Variants in GTF2F2 observed in about 807,000 individuals in gnomAD.
GTF2F2 encodes the protein general transcription factor IIF subunit 2.
GTF2F2 carries 23 observed loss-of-function variants against 42.2 expected under a neutral mutation model. The observed-to-expected ratio is 0.55, with a 90% CI of 0.39 to 0.77. GTF2F2 has a LOEUF of 0.77. GTF2F2 is among the 30% of genes least tolerant of loss of function. The pLI is 0.00. For synonymous variants in GTF2F2, 105 were observed against 100.8 expected (o/e 1.04, Z -0.25); for missense variants, 261 against 287.2 (o/e 0.91, Z 0.66).
At chr13:45,165,474 G>A (rs901275814) in intron 4 of GTF2F2, among the ~76,000 whole-genome samples, 3 of 151,532 alleles carry the variant, frequency 2.0e-5, no homozygotes, top group Non-Finnish European at 4.4e-5. Flanking sequence ...AAATTGAAGT[G>A]TGACCGATTT....
At chr13:45,256,267 C>A (rs1566153018) in intron 6 of GTF2F2, among the ~76,000 whole-genome samples, 1 of 152,020 alleles carries the variant, frequency 6.6e-6, no homozygotes, top group Non-Finnish European at 1.5e-5. Context: ...GGGAAGAAAG[C>A]CATAATAGTA....
At chr13:45,243,861 A>C (rs1184450881) in intron 5 of GTF2F2, among the ~76,000 whole-genome samples, 2 of 152,140 alleles carry the variant, frequency 1.3e-5, no homozygotes, top group African/African-American at 4.8e-5. Context: ...CAGTTTCACC[A>C]TGTTGGCCAG....
At chr13:45,241,679 A>T (rs555447516) in intron 5 of GTF2F2, among the ~76,000 whole-genome samples, 3 of 152,216 alleles carry the variant, frequency 2.0e-5, no homozygotes, top group Non-Finnish European at 4.4e-5. Flanking sequence ...AATGCATTTT[A>T]TATCTATTCT....
chr13:45,280,201 GGGAGTGTT>G (rs1464177712), intron 7 of GTF2F2, among the ~76,000 whole-genome samples: 1 of 152,226 alleles, frequency 6.6e-6, no homozygotes, highest in Non-Finnish European at 1.5e-5. Context: ...ATGCGTGAGG[GGGAGTGTT>G]GGAAGATGAG....
At position 45,157,983 on chromosome 13, in the gene GTF2F2, A is replaced by G. The variant is rs9590875; in HGVS notation, c.304+6152A>G. Reference sequence around the variant, plus strand: ...ATATCCATGTTTCTGCCAGTGATACATTATTCTTCTATTGTCTTGGCCATA... The same window carrying G: ...ATATCCATGTTTCTGCCAGTGATACGTTATTCTTCTATTGTCTTGGCCATA... On this transcript the variant is annotated intron_variant, in intron 4 of 7. Transcript: ENST00000340473. 2.6e-3 allele frequency among the ~76,000 whole-genome samples: 398 copies of G among 152,302 alleles called. 4 individuals are homozygous for G. The highest frequency in any genetic ancestry group is 9.3e-3 in the African/African-American group (387 of 41,564).
intron 2 of GTF2F2, among the ~76,000 whole-genome samples, chr13:45,144,676 C>T (rs1188278788): frequency 2.0e-5 from 3 of 151,742 alleles, no homozygotes; most frequent in South Asian, 2.1e-4. Flanking sequence ...CTCCTGACCT[C>T]GTGATCCACC....
chr13:45,278,478 A>T (rs1204625257), intron 7 of GTF2F2, among the ~76,000 whole-genome samples: 1 of 152,216 alleles, frequency 6.6e-6, no homozygotes, highest in Admixed American at 6.5e-5. Flanking sequence ...CTTGTGCTGC[A>T]GCTTGGCACA....
intron 1 of GTF2F2, among the ~76,000 whole-genome samples, chr13:45,121,872 C>G (rs1009268522): frequency 6.6e-6 from 1 of 152,122 alleles, no homozygotes; most frequent in Non-Finnish European, 1.5e-5. Flanking sequence ...GCATTTCTCT[C>G]TCCAGCAGCA....
intron 4 of GTF2F2, among the ~76,000 whole-genome samples, chr13:45,166,002 C>T (rs1420131449): frequency 6.6e-6 from 1 of 151,608 alleles, no homozygotes; most frequent in Non-Finnish European, 1.5e-5. Flanking sequence ...TTAGTAGAGA[C>T]GGGGTTTCAC....
chr13:45,124,749 A>G (rs540835598), intron 1 of GTF2F2, among the ~76,000 whole-genome samples: 2 of 152,066 alleles, frequency 1.3e-5, no homozygotes, highest in Non-Finnish European at 2.9e-5. Context: ...TATCTTTAGT[A>G]GAGATGGGGT....
At chr13:45,191,638 C>T (rs1872662796) in intron 4 of GTF2F2, among the ~76,000 whole-genome samples, 1 of 151,772 alleles carries the variant, frequency 6.6e-6, no homozygotes, top group Admixed American at 6.6e-5. Context: ...TATATAAATC[C>T]AAGTACAAGT....
chr13:45,252,334 G>A lies in GTF2F2; in HGVS notation c.387-537G>A, dbSNP rs75394193. On this transcript the variant is annotated intron_variant, in intron 5 of 7. Coordinates refer to ENST00000340473, the MANE Select transcript of GTF2F2 (RefSeq NM_004128.3). ...TTTTTCTTAATTTTTTGTAGAGACA[G>A]GATCAGTTTAGATGGTGTCCTGCAG... 5.3e-3 allele frequency among the ~76,000 whole-genome samples: 801 copies of A among 152,122 alleles called. 5 individuals carry two copies. The highest frequency in any genetic ancestry group is 0.019 in the African/African-American group (773 of 41,508).
intron 5 of GTF2F2, among the ~76,000 whole-genome samples, chr13:45,223,810 A>G (rs980958193): frequency 6.6e-6 from 1 of 152,230 alleles, no homozygotes; most frequent in Non-Finnish European, 1.5e-5. Flanking sequence ...ACAAAGAACT[A>G]AAAATCTTAA....
intron 6 of GTF2F2, among the ~76,000 whole-genome samples, chr13:45,254,116 A>C (rs1043360686): frequency 6.6e-6 from 1 of 151,992 alleles, no homozygotes; most frequent in African/African-American, 2.4e-5. Context: ...CAGAACACCA[A>C]GATATTTTGA....
chr13:45,166,318 A>G (rs1000374332), intron 4 of GTF2F2, among the ~76,000 whole-genome samples: 2 of 152,226 alleles, frequency 1.3e-5, no homozygotes, highest in Non-Finnish European at 1.5e-5. Context: ...CAACTCTATC[A>G]GAAGTCACCA....
intron 6 of GTF2F2, among the ~76,000 whole-genome samples, chr13:45,254,569 G>T (rs575820256): frequency 6.6e-6 from 1 of 152,238 alleles, no homozygotes; most frequent in African/African-American, 2.4e-5. Flanking sequence ...AAGGTAACAG[G>T]CAGAGAGACT....
chr13:45,269,710 AG>A (rs1876711481), intron 7 of GTF2F2, among the ~76,000 whole-genome samples: 1 of 152,250 alleles, frequency 6.6e-6, no homozygotes, highest in African/African-American at 2.4e-5. Flanking sequence ...TTAGCCAAAT[AG>A]TCCTGGACAA....
intron 5 of GTF2F2, among the ~76,000 whole-genome samples, chr13:45,235,762 T>A (rs954541064): frequency 9.2e-5 from 14 of 151,890 alleles, no homozygotes; most frequent in Non-Finnish European, 1.3e-4. Flanking sequence ...GCTTTTATTT[T>A]TTTTTATTTA....
At chr13:45,271,527 C>T (rs1353963409) in intron 7 of GTF2F2, among the ~76,000 whole-genome samples, 2 of 151,790 alleles carry the variant, frequency 1.3e-5, no homozygotes, top group Non-Finnish European at 2.9e-5. Context: ...GGATTACAGG[C>T]GCCCACCACC....
Sources: allele counts gnomAD v4.1 joint callset (sites outside exome capture counted in the v4.1 genomes callset), GRCh38; gene constraint gnomAD v4.1.1; transcripts MANE v1.5; gene names NCBI Gene and HGNC (gene_info 2026-07-23, HGNC 2026-07-21).